The following ADAM32 variants were observed in gnomAD, a reference collection of about 807,000 sequenced individuals.
The protein encoded by ADAM32 is disintegrin and metalloproteinase domain-containing protein 32.
Under a neutral mutation model 114.9 loss-of-function variants are expected in ADAM32, and 89 were observed. The observed-to-expected ratio is 0.77, with a 90% confidence interval of 0.65 to 0.92. ADAM32 has a LOEUF of 0.92. Among genes scored for constraint, ADAM32 ranks in the 40% least tolerant of loss-of-function variants. ADAM32 has a pLI of 0.00. For missense variants in ADAM32, 870 were observed against 932.8 expected (o/e 0.93, Z 0.88); for synonymous variants, 285 against 307.5 (o/e 0.93, Z 0.77).
intron 11 of ADAM32, among the ~76,000 whole-genome samples, chr8:39,189,864 CTCGGCTCACTGCAAGCT>C (rs1239052191): frequency 1.3e-5 from 2 of 152,108 alleles, no homozygotes; most frequent in East Asian, 3.9e-4. Flanking sequence ...GTGGCGCGAT[CTCGGCTCACTGCAAGCT>C]TCGGCTCACT....
intron 19 of ADAM32, among the ~76,000 whole-genome samples, chr8:39,257,767 G>A (rs1424175036): frequency 6.6e-6 from 1 of 151,992 alleles, no homozygotes; most frequent in Non-Finnish European, 1.5e-5. Flanking sequence ...ATTTTCAGAA[G>A]GGAAATTTGT....
chr8:39,179,017 C>T (rs564056789), intron 10 of ADAM32, among the ~76,000 whole-genome samples: 22 of 152,262 alleles, frequency 1.4e-4, no homozygotes, highest in Middle Eastern at 6.8e-3. Flanking sequence ...ATCAGGGACC[C>T]GCTTAAAGAA....
At chr8:39,222,940 T>A (rs961319840) in intron 13 of ADAM32, 100 bp from the exon 14 acceptor site, 53 of 942,202 alleles carry the variant, frequency 5.6e-5, no homozygotes, top group Admixed American at 2.4e-4. Context: ...CATTAATGGA[T>A]AGACTAAAGC....
At chr8:39,141,881 G>T (rs1803179986) in intron 3 of ADAM32, among the ~76,000 whole-genome samples, 2 of 152,026 alleles carry the variant, frequency 1.3e-5, no homozygotes, top group East Asian at 3.9e-4. Flanking sequence ...CTCCTGTATT[G>T]GGTGCATATA....
intron 19 of ADAM32, among the ~76,000 whole-genome samples, chr8:39,264,383 T>A (rs1160376295): frequency 6.6e-6 from 1 of 152,202 alleles, no homozygotes; most frequent in African/African-American, 2.4e-5. Context: ...TTTTAAAAAT[T>A]TCTGTGGGGT....
chr8:39,202,358 G>T (rs1807483121), intron 11 of ADAM32, among the ~76,000 whole-genome samples: 2 of 152,100 alleles, frequency 1.3e-5, no homozygotes, highest in Admixed American at 6.5e-5. Flanking sequence ...AGTCTTGGGA[G>T]GGTGTATGTG....
At chr8:39,263,903 A>C (rs1812193611) in intron 19 of ADAM32, among the ~76,000 whole-genome samples, 1 of 152,132 alleles carries the variant, frequency 6.6e-6, no homozygotes, top group Non-Finnish European at 1.5e-5. Flanking sequence ...TGTTTTATTG[A>C]TATATAGTTG....
intron 10 of ADAM32, among the ~76,000 whole-genome samples, chr8:39,170,248 A>G (rs1805109179): frequency 6.6e-6 from 1 of 152,178 alleles, no homozygotes; most frequent in Non-Finnish European, 1.5e-5. Context: ...ATACAGAATA[A>G]TGCATTGTGA....
intron 3 of ADAM32, among the ~76,000 whole-genome samples, chr8:39,137,971 C>T (rs910449784): frequency 1.3e-5 from 2 of 152,026 alleles, no homozygotes; most frequent in African/African-American, 2.4e-5. Context: ...AGACTATAAG[C>T]AGTGTTGAGA....
chr8:39,215,069 G>T (rs1307534548), intron 12 of ADAM32, among the ~76,000 whole-genome samples: 2 of 151,814 alleles, frequency 1.3e-5, no homozygotes, highest in African/African-American at 4.8e-5. Context: ...ATATCATTTT[G>T]ATTAGTATAC....
intron 2 of ADAM32, among the ~76,000 whole-genome samples, chr8:39,124,718 A>G (rs746500416): frequency 3.3e-5 from 5 of 152,006 alleles, no homozygotes; most frequent in Admixed American, 6.6e-5. Context: ...CCCAGCCAAT[A>G]TACTACATTT....
At chr8:39,237,184 G>A (rs77888308) in intron 16 of ADAM32, among the ~76,000 whole-genome samples, 5,843 of 152,224 alleles carry the variant, frequency 0.038, 136 homozygotes, top group Middle Eastern at 0.075. Flanking sequence ...AGAAGCAGCG[G>A]GAAGAGCCTT....
chr8:39,240,080 A>G (rs1451692792), intron 16 of ADAM32, among the ~76,000 whole-genome samples: 1 of 152,234 alleles, frequency 6.6e-6, no homozygotes, highest in Non-Finnish European at 1.5e-5. Flanking sequence ...AAATAGACTT[A>G]ACAGGTATTT....
At chr8:39,117,106 A>G (rs1324763282) in intron 1 of ADAM32, among the ~76,000 whole-genome samples, 1 of 151,050 alleles carries the variant, frequency 6.6e-6, no homozygotes, top group Non-Finnish European at 1.5e-5. Flanking sequence ...CTGATCTGGA[A>G]CTCCTGACCT....
intron 19 of ADAM32, among the ~76,000 whole-genome samples, chr8:39,263,290 G>A (rs537863352): frequency 2.4e-4 from 36 of 152,218 alleles, no homozygotes; most frequent in African/African-American, 6.5e-4. Flanking sequence ...AGCATGCACT[G>A]TTTATGGGAT....
At chr8:39,232,204 C>T in intron 15 of ADAM32, 69 bp downstream of exon 15, 4 of 1,242,584 alleles carry the variant, frequency 3.2e-6, no homozygotes, top group Non-Finnish European at 4.5e-6. Flanking sequence ...TTGCCCCCTT[C>T]TGTGTCATTC....
At chr8:39,205,826 T>C (rs1411742898) in intron 11 of ADAM32, among the ~76,000 whole-genome samples, 1 of 152,234 alleles carries the variant, frequency 6.6e-6, no homozygotes, top group Non-Finnish European at 1.5e-5. Flanking sequence ...TTTGTCTCAC[T>C]AAGTTTCTTT....
At chr8:39,256,092 T>C (rs1039180576) in intron 18 of ADAM32, among the ~76,000 whole-genome samples, 6 of 152,074 alleles carry the variant, frequency 3.9e-5, no homozygotes, top group Admixed American at 2.0e-4. Flanking sequence ...TCTGTGTCTA[T>C]TTTTATATCA....
chr8:39,218,868 A>C (rs1808761268), intron 12 of ADAM32, among the ~76,000 whole-genome samples: 1 of 152,016 alleles, frequency 6.6e-6, no homozygotes, highest in Non-Finnish European at 1.5e-5. Context: ...CCACTGTGGT[A>C]GAGCATGTAC....
Sources: allele counts gnomAD v4.1 joint callset (sites outside exome capture counted in the v4.1 genomes callset), GRCh38; gene constraint gnomAD v4.1.1; transcripts MANE v1.5; gene names NCBI Gene and HGNC (gene_info 2026-07-23, HGNC 2026-07-21).